The following RIC3 variants were observed in gnomAD, a reference collection of about 807,000 sequenced individuals.
The protein encoded by RIC3 is protein RIC-3.
Under a neutral mutation model 27.3 loss-of-function variants are expected in RIC3, and 28 were observed. The ratio of observed to expected loss-of-function variants is 1.02; its 90% CI spans 0.76 to 1.41. RIC3 has a LOEUF of 1.41. RIC3 is among the 40% of genes most tolerant of loss of function. The probability of loss-of-function intolerance (pLI) is 0.00; values close to 1 mark genes in which losing one functional copy is unlikely to be tolerated. For missense variants in RIC3, 501 were observed against 444.7 expected (o/e 1.13, Z -1.14); for synonymous variants, 184 against 160.4 (o/e 1.15, Z -1.11).
At chr11:8,154,575 T>G (rs1950509863) in intron 1 of RIC3, among the ~76,000 whole-genome samples, 2 of 152,222 alleles carry the variant, frequency 1.3e-5, no homozygotes, top group Non-Finnish European at 2.9e-5. Context: ...AACAAATGTA[T>G]CCATGTTGAC....
At chr11:8,100,784 G>A in the RIC3 span, 71 of 1,608,282 alleles carry the variant, frequency 4.4e-5, no homozygotes, top group Non-Finnish European at 5.4e-5. Context: ...TGGTCATGGT[G>A]CCAAAGGCCT....
chr11:8,138,237 T>A, intron 3 of RIC3, 35 bp downstream of exon 3: 15 of 1,452,520 alleles, frequency 1.0e-5, no homozygotes, highest in Non-Finnish European at 1.4e-5. Context: ...TTTGACTCAA[T>A]AATACCTGTG....
At chr11:8,159,248 G>C (rs971739801) in intron 1 of RIC3, among the ~76,000 whole-genome samples, 3 of 152,176 alleles carry the variant, frequency 2.0e-5, no homozygotes, top group African/African-American at 7.2e-5. Context: ...TTTCAAACAA[G>C]GGAAACAGCA....
chr11:8,146,885 C>T lies in RIC3; in HGVS notation c.125-6692G>A, dbSNP rs372994176. Among the ~76,000 whole-genome samples, 3 of 152,230 alleles carry T rather than the reference C, an allele frequency of 2.0e-5. No individual in the cohort carries two copies. In the East Asian group the frequency reaches 5.8e-4, roughly 29 times the overall value. The stretch of plus-strand genomic sequence containing the variant: ...CTGGCGACCAGGTTTTTCAATTTTA[C>T]TGTGTAAAGGAAGCTCTCAGATAGC... On this transcript the variant is annotated intron_variant, in intron 1 of 5. Coordinates refer to ENST00000309737, the MANE Select transcript of RIC3 (RefSeq NM_001206671.4).
rs544822085 is a variant in RIC3, at chr11:8,110,479, A to G, written c.*219T>C. 854 of 617,332 alleles carry G rather than the reference A, an allele frequency of 1.4e-3. 12 individuals carry two copies. The South Asian group carries it at 0.015, about 11-fold the overall frequency. 38.2% of individuals were successfully genotyped at this position (617,332 alleles called of 1,614,324 possible). ...TCTGATAGAGGAAAGGCAGGAAGAG[A>G]AAGAGCGAAGCTGTCCTGTGTTCAC... On this transcript the variant is annotated 3_prime_UTR_variant, in exon 6 of 6. Transcript: ENST00000309737.
intron 1 of RIC3, among the ~76,000 whole-genome samples, chr11:8,151,321 C>A (rs2134112317): frequency 6.6e-6 from 1 of 152,214 alleles, no homozygotes; most frequent in African/African-American, 2.4e-5. Flanking sequence ...GGCGCGGTGG[C>A]TCACGCCTGT....
the RIC3 span, among the ~76,000 whole-genome samples, chr11:8,093,048 T>C: frequency 6.6e-6 from 1 of 152,118 alleles, no homozygotes; most frequent in South Asian, 2.1e-4. Flanking sequence ...ATGGGTGTGG[T>C]CCCTGCTTTC....
At chr11:8,141,056 G>A (rs533603610) in intron 1 of RIC3, among the ~76,000 whole-genome samples, 29 of 148,228 alleles carry the variant, frequency 2.0e-4, no homozygotes, top group African/African-American at 5.8e-4. Flanking sequence ...AGGAACAACC[G>A]GTACCAGCCG....
the RIC3 span, chr11:8,096,867 G>C: frequency 3.8e-6 from 6 of 1,581,926 alleles, no homozygotes; most frequent in African/African-American, 6.7e-5. Context: ...GTTAGAGGTG[G>C]ACTGCATGTG....
chr11:8,101,607 G>A, downstream of RIC3: 10 of 1,614,226 alleles, frequency 6.2e-6, no homozygotes, highest in Non-Finnish European at 8.5e-6. Context: ...ACAGCAAGCT[G>A]GCGTGCGAGT....
At chr11:8,133,929 T>C (rs1948044806) in intron 4 of RIC3, among the ~76,000 whole-genome samples, 1 of 152,042 alleles carries the variant, frequency 6.6e-6, no homozygotes, top group Admixed American at 6.5e-5. Context: ...GCTCCAGGAG[T>C]TGGGTCTCCC....
rs772069428 is a variant in RIC3 at position 8,145,529 on chromosome 11, ACATCT to A, written c.125-5341_125-5337del. Among the ~76,000 whole-genome samples, 118 of 152,300 alleles carry A rather than the reference ACATCT, an allele frequency of 7.7e-4. 1 individual carries two copies. Among genetic ancestry groups the A allele is most frequent in the Admixed American group, 1.3e-3 (20 of 15,286 alleles). ...TTAAGTACTCAGCTTGGGTAGGTATACATCTCTTTCCAATCAGCTATAGCTGAACA... is the reference window on the plus strand; with the variant it reads ...TTAAGTACTCAGCTTGGGTAGGTATACTTTCCAATCAGCTATAGCTGAACA... On this transcript the variant is annotated intron_variant, in intron 1 of 5. Coordinates refer to ENST00000309737, the MANE Select transcript of RIC3 (RefSeq NM_001206671.4).
At chr11:8,135,946 T>C (rs1948351409) in intron 4 of RIC3, 1 of 152,200 alleles carries the variant, frequency 6.6e-6, no homozygotes, top group Admixed American at 6.5e-5. Flanking sequence ...ATATAAAGCA[T>C]TTAGTTCAGA....
chr11:8,148,842 A>G (rs2134069890), intron 1 of RIC3, among the ~76,000 whole-genome samples: 1 of 152,172 alleles, frequency 6.6e-6, no homozygotes. Flanking sequence ...TACTAGATAA[A>G]CTAAATATTC....
intron 4 of RIC3, chr11:8,128,351 T>C: frequency 2.2e-6 from 1 of 446,636 alleles, no homozygotes; most frequent in Non-Finnish European, 4.5e-6. Flanking sequence ...CAGAAGCCCT[T>C]ATCCTAAAAG....
chr11:8,138,401 G>A (rs113296453), intron 2 of RIC3, 54 bp from the exon 3 acceptor site: 27 of 1,151,888 alleles, frequency 2.3e-5, no homozygotes, highest in African/African-American at 2.0e-4. Flanking sequence ...CCTCAGTCAC[G>A]GAACCCCTCA....
intron 5 of RIC3, among the ~76,000 whole-genome samples, chr11:8,120,075 CTTT>C (rs1946275742): frequency 6.6e-6 from 1 of 152,224 alleles, no homozygotes; most frequent in Non-Finnish European, 1.5e-5. Flanking sequence ...AATAGGAAGG[CTTT>C]TACACTGTTG....
the RIC3 span, among the ~76,000 whole-genome samples, chr11:8,094,504 G>A: frequency 0.027 from 4,068 of 152,298 alleles, 75 homozygotes; most frequent in African/African-American, 0.051. Context: ...CCCTCAAGGA[G>A]GATCTCACCC....
At chr11:8,102,194 G>T (rs1944337354), downstream of RIC3, 1 of 152,588 alleles carries the variant, frequency 6.6e-6, no homozygotes, top group African/African-American at 2.4e-5. Context: ...TTGGGAGGGT[G>T]GTGGGGACAG....
Sources: gnomAD v4.1 joint callset for allele counts (sites outside exome capture counted in the v4.1 genomes callset) on GRCh38, gnomAD v4.1.1 for gene constraint, MANE v1.5 for transcripts, NCBI Gene and HGNC (gene_info 2026-07-23, HGNC 2026-07-21) for gene names.